The following GLRA3 variants were observed in gnomAD, a reference collection of about 807,000 sequenced individuals.
GLRA3 encodes glycine receptor alpha 3.
A neutral mutation model predicts 60.4 loss-of-function variants in GLRA3; 44 were observed. The observed-to-expected ratio is 0.73, with a 90% CI of 0.57 to 0.94. The LOEUF (loss-of-function observed/expected upper bound fraction) is 0.94. GLRA3 is among the 40% of genes least tolerant of loss of function. The probability of loss-of-function intolerance (pLI) is 0.00; values close to 1 mark genes in which losing one functional copy is unlikely to be tolerated. For synonymous variants in GLRA3, 223 were observed against 192.9 expected (o/e 1.16, Z -1.29); for missense variants, 508 against 564.6 (o/e 0.90, Z 1.02).
At chr4:174,714,198 G>GC (rs1735823175) in intron 5 of GLRA3, among the ~76,000 whole-genome samples, 1 of 152,016 alleles carries the variant, frequency 6.6e-6, no homozygotes, top group African/African-American at 2.4e-5. Context: ...CAATTTTCTT[G>GC]CCCCTTATAT....
chr4:174,694,162 A>G (rs1046675989), intron 5 of GLRA3, among the ~76,000 whole-genome samples: 3 of 152,180 alleles, frequency 2.0e-5, no homozygotes, highest in Non-Finnish European at 4.4e-5. Context: ...CTCCACTGAC[A>G]GTATTAGTCA....
intron 2 of GLRA3, among the ~76,000 whole-genome samples, chr4:174,767,943 T>A (rs953141516): frequency 6.6e-6 from 1 of 152,144 alleles, no homozygotes; most frequent in African/African-American, 2.4e-5. Flanking sequence ...CTCTTACTTG[T>A]CCCAACTAGT....
intron 1 of GLRA3, among the ~76,000 whole-genome samples, chr4:174,799,940 T>C (rs1456748729): frequency 1.3e-5 from 2 of 152,128 alleles, no homozygotes; most frequent in Non-Finnish European, 2.9e-5. Flanking sequence ...ATTCAGATGA[T>C]GAATTTGTTA....
At chr4:174,811,324 G>A (rs893932260) in intron 1 of GLRA3, among the ~76,000 whole-genome samples, 10 of 151,820 alleles carry the variant, frequency 6.6e-5, no homozygotes, top group African/African-American at 2.4e-4. Context: ...AATTTTCTTG[G>A]AATAGCAGAT....
At chr4:174,725,004 T>C (rs914489222) in intron 4 of GLRA3, among the ~76,000 whole-genome samples, 1 of 152,280 alleles carries the variant, frequency 6.6e-6, no homozygotes, top group Non-Finnish European at 1.5e-5. Flanking sequence ...GGATTTATCT[T>C]GTTTGGGAAC....
chr4:174,714,588 G>A (rs1361668102), intron 5 of GLRA3, among the ~76,000 whole-genome samples: 1 of 152,134 alleles, frequency 6.6e-6, no homozygotes, highest in Admixed American at 6.5e-5. Flanking sequence ...AAGTTGGTCT[G>A]CCATCTAGTG....
At chr4:174,816,372 G>T (rs1481384438) in intron 1 of GLRA3, among the ~76,000 whole-genome samples, 1 of 152,100 alleles carries the variant, frequency 6.6e-6, no homozygotes, top group Admixed American at 6.5e-5. Flanking sequence ...ATATTGGAAA[G>T]CCCTGCCCCA....
chr4:174,767,011 T>A lies in GLRA3; in HGVS notation c.219A>T (p.Thr73=), dbSNP rs980386977. 4.9e-5 allele frequency: 79 copies of A among 1,600,448 alleles called. No homozygotes were observed. Among genetic ancestry groups the A allele is most frequent in the Non-Finnish European group, 6.7e-5 (78 of 1,168,400 alleles). The change falls in exon 3 of 10, where the codon ACA becomes ACT. Residue 73 remains threonine (T), a synonymous_variant. Coordinates refer to ENST00000274093, the MANE Select transcript of GLRA3 (RefSeq NM_006529.4). ...CAAAGCTGTTGATGAATATGTTGCA[T>A]GTGACATTAACTGGAGGGCCTGAAA... The part of the protein sequence containing the change: ...PNFKGPPVNV[T]CNIFINSFGS...
At chr4:174,656,912 T>C (rs1015304950) in intron 8 of GLRA3, 125 bp from the exon 9 acceptor site, 3 of 561,254 alleles carry the variant, frequency 5.3e-6, no homozygotes, top group Non-Finnish European at 9.8e-6. Flanking sequence ...ATGTAGCAAT[T>C]AATAGATTTT....
At chr4:174,804,198 G>A (rs1043738203) in intron 1 of GLRA3, among the ~76,000 whole-genome samples, 2 of 152,084 alleles carry the variant, frequency 1.3e-5, no homozygotes, top group African/African-American at 2.4e-5. Flanking sequence ...AGAGTTTCAG[G>A]CAGGAAAATG....
In GLRA3 at chr4:174,644,355, A is replaced by T. The variant is rs192634908; in HGVS notation, c.1117-291T>A. Among the ~76,000 whole-genome samples the T allele has an allele frequency of 3.6e-3, 475 of 133,032 alleles. 3 individuals are homozygous for T. The highest frequency in any genetic ancestry group is 0.012 in the African/African-American group (454 of 37,918). The allele number at this position is 133,032 out of a possible 152,430, so 87.3% of individuals were successfully genotyped here. On this transcript the variant is annotated intron_variant, in intron 9 of 9. Coordinates refer to ENST00000274093, the MANE Select transcript of GLRA3 (RefSeq NM_006529.4). Reference sequence around the variant, plus strand: ...TACATATTGCTTGAATATCTAAATTAAAAAAAAAACAAGATAAAATCTATT... The same window carrying T: ...TACATATTGCTTGAATATCTAAATTTAAAAAAAAACAAGATAAAATCTATT...
At position 174,643,942 on chromosome 4, in the gene GLRA3, A is replaced by G; in HGVS notation, c.1239T>C (p.Ser413=). Residue 413 remains serine, a synonymous_variant, in exon 10 of 10, where the codon AGT becomes AGC. Transcript: ENST00000274093. The part of the protein sequence containing the change: ...PNHPVQVMPK[S]PDEMRKVFID... The stretch of plus-strand genomic sequence containing the variant: ...TAAAGACCTTCCTCATTTCATCAGG[A>G]CTTTTTGGCATTACCTGGACAGGGT... The G allele has an allele frequency of 6.2e-7, 1 of 1,614,022 alleles. No homozygotes were observed. The highest frequency in any genetic ancestry group is 8.5e-7 in the Non-Finnish European group (1 of 1,179,960).
chr4:174,823,797 C>T (rs969908915), intron 1 of GLRA3, among the ~76,000 whole-genome samples: 17 of 152,004 alleles, frequency 1.1e-4, no homozygotes, highest in African/African-American at 4.1e-4. Flanking sequence ...ATGTTAAGGT[C>T]CTCTTGATAA....
intron 4 of GLRA3, among the ~76,000 whole-genome samples, chr4:174,716,560 G>A (rs763910791): frequency 1.3e-5 from 2 of 152,146 alleles, no homozygotes; most frequent in Admixed American, 6.5e-5. Flanking sequence ...CAAGCCTCTT[G>A]CACTGAGAAT....
intron 9 of GLRA3, among the ~76,000 whole-genome samples, chr4:174,648,533 TGTAACACCTCTACAGAAGA>T (rs1732915819): frequency 6.6e-6 from 1 of 152,166 alleles, no homozygotes; most frequent in Non-Finnish European, 1.5e-5. Flanking sequence ...TGCTGTGAAA[TGTAACACCTCTACAGAAGA>T]GTAGATATGT....
chr4:174,820,038 A>G (rs1327555495), intron 1 of GLRA3, among the ~76,000 whole-genome samples: 1 of 152,240 alleles, frequency 6.6e-6, no homozygotes, highest in African/African-American at 2.4e-5. Context: ...AGTGAAAAAT[A>G]TTTAAAAGAG....
Position 174,705,361 on chromosome 4 carries a change from T to A in GLRA3, c.574+10127A>T, listed in dbSNP as rs1227535438. 2.1e-5 allele frequency among the ~76,000 whole-genome samples: 3 copies of A among 144,238 alleles called. 1 individual carries two copies. The highest frequency in any genetic ancestry group is 4.6e-5 in the Non-Finnish European group (3 of 64,846). The allele number at this position is 144,238 out of a possible 152,430, so 94.6% of individuals were successfully genotyped here. On this transcript the variant is annotated intron_variant, in intron 5 of 9. Transcript: ENST00000274093. ...GCCTCCAGAACTGTGAGCCAATACA[T>A]TTCTATCCATTAAAAATGACCTAAT...
At chr4:174,675,411 A>G (rs1158256150) in intron 7 of GLRA3, among the ~76,000 whole-genome samples, 1 of 151,896 alleles carries the variant, frequency 6.6e-6, no homozygotes, top group Non-Finnish European at 1.5e-5. Context: ...TCACATTTCC[A>G]TGCTCCCCCA....
intron 3 of GLRA3, among the ~76,000 whole-genome samples, chr4:174,747,155 T>C (rs1340932443): frequency 1.3e-5 from 2 of 152,208 alleles, no homozygotes; most frequent in Non-Finnish European, 2.9e-5. Flanking sequence ...TATATATCCC[T>C]GCTTTGCTGT....
Sources: gnomAD v4.1 joint callset for allele counts (sites outside exome capture counted in the v4.1 genomes callset) on GRCh38, gnomAD v4.1.1 for gene constraint, MANE v1.5 for transcripts, NCBI Gene and HGNC (gene_info 2026-07-23, HGNC 2026-07-21) for gene names.